DGKB: variants seen among roughly 807,000 people sequenced by gnomAD.
DGKB encodes diacylglycerol kinase beta.
DGKB carries 67 observed loss-of-function variants against 114.3 expected under a neutral mutation model. That is an observed-to-expected ratio of 0.59 (90% CI 0.48 to 0.72). DGKB has a LOEUF of 0.72. DGKB is among the 30% of genes least tolerant of loss of function. DGKB has a pLI of 0.00. For synonymous variants in DGKB, 398 were observed against 323.1 expected (o/e 1.23, Z -2.49); for missense variants, 907 against 975.2 (o/e 0.93, Z 0.93).
chr7:14,922,647 T>A (rs1587387814), intron 1 of DGKB, among the ~76,000 whole-genome samples: 1 of 152,104 alleles, frequency 6.6e-6, no homozygotes, highest in Non-Finnish European at 1.5e-5. Context: ...CATCCTAAGT[T>A]GTTAGCTAGG....
At chr7:14,376,841 G>C (rs1488842207) in intron 21 of DGKB, among the ~76,000 whole-genome samples, 2 of 152,146 alleles carry the variant, frequency 1.3e-5, no homozygotes, top group Admixed American at 1.3e-4. Context: ...TTGTAATCTT[G>C]TTCCTCGAAG....
chr7:14,685,630 T>G (rs1390382641), intron 9 of DGKB, among the ~76,000 whole-genome samples: 1 of 152,192 alleles, frequency 6.6e-6, no homozygotes, highest in Non-Finnish European at 1.5e-5. Context: ...GCCATCGTCA[T>G]GACCTGCCAA....
intron 21 of DGKB, among the ~76,000 whole-genome samples, chr7:14,439,921 C>T (rs1829837373): frequency 6.7e-6 from 1 of 149,766 alleles, no homozygotes; most frequent in Non-Finnish European, 1.5e-5. Flanking sequence ...ACAGTTACTA[C>T]TTGAGATTGT....
intron 23 of DGKB, among the ~76,000 whole-genome samples, chr7:14,288,403 A>G (rs1801235676): frequency 6.6e-6 from 1 of 151,402 alleles, no homozygotes; most frequent in African/African-American, 2.4e-5. Context: ...TATTTCATAT[A>G]CTGAATTCAA....
intron 20 of DGKB, among the ~76,000 whole-genome samples, chr7:14,565,047 G>C (rs1386075963): frequency 6.6e-6 from 1 of 152,120 alleles, no homozygotes; most frequent in East Asian, 1.9e-4. Flanking sequence ...TCCGTCAAGA[G>C]GTAGATTCTA....
intron 23 of DGKB, among the ~76,000 whole-genome samples, chr7:14,277,261 C>G (rs1281604827): frequency 6.6e-6 from 1 of 152,076 alleles, no homozygotes; most frequent in Non-Finnish European, 1.5e-5. Flanking sequence ...ACCTCCACCT[C>G]CCAGGTTCAA....
intron 2 of DGKB, among the ~76,000 whole-genome samples, chr7:14,832,904 G>T (rs1179516549): frequency 6.6e-6 from 1 of 151,990 alleles, no homozygotes; most frequent in East Asian, 1.9e-4. Flanking sequence ...GTATTTCCAA[G>T]TATCGAATTT....
At chr7:14,484,640 G>A (rs942057509) in intron 20 of DGKB, among the ~76,000 whole-genome samples, 1 of 152,170 alleles carries the variant, frequency 6.6e-6, no homozygotes, top group East Asian at 1.9e-4. Context: ...GCAGAACCTT[G>A]AGCCAATTAA....
intron 1 of DGKB, among the ~76,000 whole-genome samples, chr7:14,967,219 C>A (rs1244375057): frequency 3.3e-5 from 5 of 152,118 alleles, no homozygotes; most frequent in Non-Finnish European, 1.5e-5. Flanking sequence ...TGGAGAAAAT[C>A]TAGGAGGATT....
chr7:14,343,515 A>T (rs1182313034), intron 22 of DGKB, among the ~76,000 whole-genome samples: 2 of 151,536 alleles, frequency 1.3e-5, no homozygotes, highest in African/African-American at 4.8e-5. Flanking sequence ...TAAACACAAC[A>T]CTTTTCTTAA....
At chr7:14,698,926 T>G (rs932720220) in intron 7 of DGKB, among the ~76,000 whole-genome samples, 8 of 152,112 alleles carry the variant, frequency 5.3e-5, no homozygotes, top group Admixed American at 1.3e-4. Context: ...AAGTGGTGTT[T>G]TACCGTATGA....
At chr7:14,790,222 A>G (rs1278420112) in intron 2 of DGKB, among the ~76,000 whole-genome samples, 1 of 152,182 alleles carries the variant, frequency 6.6e-6, no homozygotes, top group Non-Finnish European at 1.5e-5. Context: ...TTTTCCAAGT[A>G]TGTTCTCCCA....
chr7:14,510,991 TC>T (rs1413944528), intron 20 of DGKB, among the ~76,000 whole-genome samples: 4 of 152,186 alleles, frequency 2.6e-5, no homozygotes, highest in Non-Finnish European at 5.9e-5. Flanking sequence ...CAAACGTGCT[TC>T]TATTCTGGCT....
chr7:14,868,931 G>A (rs1471126354), intron 1 of DGKB, among the ~76,000 whole-genome samples: 2 of 152,126 alleles, frequency 1.3e-5, no homozygotes, highest in Non-Finnish European at 2.9e-5. Flanking sequence ...CCTCAGGGAA[G>A]ATCAAGACAT....
chr7:14,457,180 TATG>T (rs1378807628), intron 21 of DGKB, among the ~76,000 whole-genome samples: 1 of 151,522 alleles, frequency 6.6e-6, no homozygotes, highest in African/African-American at 2.4e-5. Flanking sequence ...GTTAAAATAA[TATG>T]ATATCATAGT....
intron 2 of DGKB, among the ~76,000 whole-genome samples, chr7:14,831,447 A>G (rs1405665542): frequency 6.6e-6 from 1 of 152,212 alleles, no homozygotes; most frequent in Non-Finnish European, 1.5e-5. Flanking sequence ...GACAGAGATT[A>G]TAACTCTCCT....
chr7:14,825,054 A>C (rs1011310127), intron 2 of DGKB, among the ~76,000 whole-genome samples: 14 of 134,360 alleles, frequency 1.0e-4, no homozygotes, highest in African/African-American at 3.4e-4. Context: ...ATATATATAT[A>C]TATCACATGT....
intron 25 of DGKB, chr7:14,176,589 T>C (rs536366023): frequency 2.5e-6 from 3 of 1,184,284 alleles, no homozygotes; most frequent in Non-Finnish European, 3.2e-6. Flanking sequence ...TGGTTTATAA[T>C]TGATCTATTT....
At position 14,164,084 on chromosome 7, in the gene DGKB, A is replaced by C. The variant is rs182486126; in HGVS notation, c.2304+12755T>G. ...AAAATACTGTAGTATTTATTTCTTT[A>C]ACAGATATCTATAGTATTTAAATAT... On this transcript the variant is annotated intron_variant, in intron 25 of 25. Coordinates refer to ENST00000402815, the MANE Select transcript of DGKB (RefSeq NM_001350709.2). Among the ~76,000 whole-genome samples the C allele has an allele frequency of 3.2e-3, 492 of 152,316 alleles. 2 individuals carry two copies. Among genetic ancestry groups the C allele is most frequent in the Non-Finnish European group, 4.8e-3 (326 of 68,030 alleles).
Sources: gnomAD v4.1 joint callset for allele counts (sites outside exome capture counted in the v4.1 genomes callset) on GRCh38, gnomAD v4.1.1 for gene constraint, MANE v1.5 for transcripts, NCBI Gene and HGNC (gene_info 2026-07-23, HGNC 2026-07-21) for gene names.